WNT9B: variants seen among roughly 807,000 people sequenced by gnomAD.
WNT9B encodes protein Wnt-9b.
In WNT9B, 12 loss-of-function variants were observed where a neutral mutation model predicts 30.2. That is an observed-to-expected ratio of 0.40 (90% CI 0.26 to 0.64). The LOEUF is 0.64. Ranked by LOEUF, WNT9B falls within the 30% of genes least tolerant of loss-of-function variation. The pLI, the probability that WNT9B is intolerant of heterozygous loss-of-function variation, is 0.42. For synonymous variants in WNT9B, 218 were observed against 216.9 expected (o/e 1.01, Z -0.05); for missense variants, 442 against 485.2 (o/e 0.91, Z 0.84).
At chr17:46,885,568 G>C (rs1427799990) in exon 5 of WNT9B, 1 of 152,646 alleles carries the variant, frequency 6.6e-6, no homozygotes, top group Non-Finnish European at 1.5e-5. Context: ...CTCCCAGGGT[G>C]CTGGGATTAC....
At chr17:46,835,337 G>A (rs935973761) in intron 1 of WNT9B, among the ~76,000 whole-genome samples, 4 of 152,000 alleles carry the variant, frequency 2.6e-5, no homozygotes, top group African/African-American at 4.8e-5. Flanking sequence ...TCAGCCTCCC[G>A]AGTAGCTGGG....
intron 1 of WNT9B, among the ~76,000 whole-genome samples, chr17:46,852,772 G>A (rs952417372): frequency 6.6e-6 from 1 of 152,080 alleles, no homozygotes; most frequent in African/African-American, 2.4e-5. Context: ...ATACAGCAAA[G>A]GCAAGAAAAC....
rs756048352 is a variant in WNT9B, at chr17:46,876,144, C to A, written c.601-101C>A. 5.2e-6 allele frequency: 6 copies of A among 1,163,440 alleles called. No homozygotes were observed. The African/African-American group carries it at 7.8e-5, about 15-fold the overall frequency. 72.1% of individuals were successfully genotyped at this position (1,163,440 alleles called of 1,614,324 possible). ...GGGCTGAGACCCTGGGTCTCTTTCC[C>A]ATTCTCCTGCCTCTGCCCTGCTGGG... On this transcript the variant is annotated intron_variant, in intron 3 of 3. Coordinates refer to ENST00000290015, the MANE Select transcript of WNT9B (RefSeq NM_003396.3).
intron 1 of WNT9B, among the ~76,000 whole-genome samples, chr17:46,856,923 C>T (rs776842383): frequency 6.6e-6 from 1 of 152,222 alleles, no homozygotes; most frequent in Non-Finnish European, 1.5e-5. Flanking sequence ...AATCAACCCT[C>T]TCCCACCAGC....
At chr17:46,839,978 C>CTTT (rs1292221463) in intron 1 of WNT9B, among the ~76,000 whole-genome samples, 1 of 76,428 alleles carries the variant, frequency 1.3e-5, no homozygotes, top group Non-Finnish European at 2.8e-5. Flanking sequence ...CTTTCTTTCT[C>CTTT]TTCTTTCTTT....
At chr17:46,873,119 CACACACA>C (rs1463449793) in intron 2 of WNT9B, among the ~76,000 whole-genome samples, 3 of 151,696 alleles carry the variant, frequency 2.0e-5, no homozygotes, top group South Asian at 4.2e-4. Flanking sequence ...CACACACACA[CACACACA>C]CACACACGAA....
chr17:46,882,945 C>G (rs1021241988), downstream of WNT9B, among the ~76,000 whole-genome samples: 18 of 152,112 alleles, frequency 1.2e-4, no homozygotes, highest in South Asian at 1.0e-3. Flanking sequence ...CTCATACTCC[C>G]CTCTGGGCAA....
At chr17:46,856,988 C>T (rs2084949552) in intron 1 of WNT9B, among the ~76,000 whole-genome samples, 1 of 152,164 alleles carries the variant, frequency 6.6e-6, no homozygotes, top group Non-Finnish European at 1.5e-5. Flanking sequence ...TTTGCCTATT[C>T]TGGAAGTTTA....
In WNT9B at chr17:46,876,296, T is replaced by A; in HGVS notation, c.652T>A (p.Ser218Thr). 6.2e-7 allele frequency: 1 copy of A among 1,614,130 alleles called. No individual in the cohort carries two copies. The change falls in exon 4 of 4, where the codon TCC becomes ACC. Residue 218 changes from serine (S) to threonine (T), a missense_variant. Ser to Thr is a moderately conservative substitution (Grantham distance 58). Transcript: ENST00000290015. Reference protein sequence around the residue: ...TTCKCHGVSGSCAVRTCWKQL... With the variant: ...TTCKCHGVSGTCAVRTCWKQL... Reference sequence around the variant, plus strand: ...GTGTAAGTGCCATGGCGTATCAGGCTCCTGTGCCGTGCGCACCTGCTGGAA... The same window carrying A: ...GTGTAAGTGCCATGGCGTATCAGGCACCTGTGCCGTGCGCACCTGCTGGAA...
At chr17:46,873,083 T>C (rs919502966) in intron 2 of WNT9B, among the ~76,000 whole-genome samples, 1 of 125,640 alleles carries the variant, frequency 8.0e-6, no homozygotes, top group African/African-American at 3.2e-5. Flanking sequence ...TCCCTCTGCC[T>C]CTTCACACAC....
At chr17:46,871,900 T>C (rs1309767120) in intron 1 of WNT9B, among the ~76,000 whole-genome samples, 1 of 152,128 alleles carries the variant, frequency 6.6e-6, no homozygotes, top group Non-Finnish European at 1.5e-5. Context: ...CACCAGGTGG[T>C]CAGATGGTTG....
chr17:46,864,989 A>G (rs2085107754), intron 1 of WNT9B, among the ~76,000 whole-genome samples: 2 of 152,178 alleles, frequency 1.3e-5, no homozygotes, highest in Admixed American at 1.3e-4. Context: ...GACTCAGCCT[A>G]GGAACTGGGG....
rs372677876 is a variant in WNT9B, at chr17:46,876,941, C to A, written c.*223C>A. Reference sequence around the variant, plus strand: ...AAGCCTCCTCCCTTAACCCAAGCATCCCCAACCTTGTTGAGGACTTGGAGA... The same window carrying A: ...AAGCCTCCTCCCTTAACCCAAGCATACCCAACCTTGTTGAGGACTTGGAGA... On this transcript the variant is annotated 3_prime_UTR_variant, in exon 4 of 4. Transcript: ENST00000290015. 2.4e-5 allele frequency: 32 copies of A among 1,320,968 alleles called. No individual in the cohort carries two copies. The African/African-American group carries it at 4.4e-4, about 18-fold the overall frequency. The allele number at this position is 1,320,968 out of a possible 1,614,324, so 81.8% of individuals were successfully genotyped here. A position where few individuals can be genotyped will look rare whatever the true frequency, so the allele number is the denominator to read the frequency against.
chr17:46,843,539 T>C (rs1389631878), intron 1 of WNT9B, among the ~76,000 whole-genome samples: 1 of 152,238 alleles, frequency 6.6e-6, no homozygotes, highest in African/African-American at 2.4e-5. Flanking sequence ...ATTGTCTTCT[T>C]TCCTGGGTTC....
At chr17:46,876,119 G>A in intron 3 of WNT9B, 126 bp from the exon 4 acceptor site, 4 of 883,828 alleles carry the variant, frequency 4.5e-6, no homozygotes, top group East Asian at 2.7e-5. Flanking sequence ...GGAGGAGCTG[G>A]GGCTGAGACC....
intron 1 of WNT9B, among the ~76,000 whole-genome samples, chr17:46,842,035 C>A (rs1363566544): frequency 6.6e-6 from 1 of 152,062 alleles, no homozygotes; most frequent in Non-Finnish European, 1.5e-5. Flanking sequence ...CTCGGCGGGG[C>A]CTGGGCTGGC....
chr17:46,838,077 T>C (rs1175391688), intron 1 of WNT9B, among the ~76,000 whole-genome samples: 1 of 152,074 alleles, frequency 6.6e-6, no homozygotes, highest in Non-Finnish European at 1.5e-5. Context: ...AGGAACCTTT[T>C]GCATTTTCTG....
At chr17:46,870,509 C>G (rs1303228174) in intron 1 of WNT9B, among the ~76,000 whole-genome samples, 1 of 152,190 alleles carries the variant, frequency 6.6e-6, no homozygotes, top group African/African-American at 2.4e-5. Context: ...GGGAGAGGAG[C>G]CCAGGGCCAG....
At chr17:46,837,083 C>T (rs1321709025) in intron 1 of WNT9B, among the ~76,000 whole-genome samples, 1 of 152,128 alleles carries the variant, frequency 6.6e-6, no homozygotes, top group Non-Finnish European at 1.5e-5. Context: ...GCTAGGACTA[C>T]AGGCACTCGC....
Sources: gnomAD v4.1 joint callset for allele counts (sites outside exome capture counted in the v4.1 genomes callset) on GRCh38, gnomAD v4.1.1 for gene constraint, MANE v1.5 for transcripts, NCBI Gene and HGNC (gene_info 2026-07-23, HGNC 2026-07-21) for gene names.